Variants in PRDM16 observed in about 807,000 individuals in gnomAD.
PRDM16 encodes the protein PR/SET domain 16, also known as histone-lysine N-methyltransferase PRDM16.
A neutral mutation model predicts 110.6 loss-of-function variants in PRDM16; 23 were observed. The ratio of observed to expected loss-of-function variants is 0.21; its 90% CI spans 0.15 to 0.29. The LOEUF (loss-of-function observed/expected upper bound fraction) is 0.29, where lower values mean the gene tolerates loss of function less well. Among genes scored for constraint, PRDM16 ranks in the 10% least tolerant of loss-of-function variants. The pLI is 1.00. For missense variants in PRDM16, 1,615 were observed against 1,794.3 expected (o/e 0.90, Z 1.81); for synonymous variants, 799 against 781.8 (o/e 1.02, Z -0.37).
chr1:3,312,482 C>T (rs1011511612), intron 3 of PRDM16, among the ~76,000 whole-genome samples: 2 of 152,248 alleles, frequency 1.3e-5, no homozygotes, highest in African/African-American at 4.8e-5. Flanking sequence ...CACCTCACAG[C>T]CGCTCCTCCC....
chr1:3,249,005 C>T (rs1639861696), intron 3 of PRDM16, among the ~76,000 whole-genome samples: 1 of 152,172 alleles, frequency 6.6e-6, no homozygotes, highest in Non-Finnish European at 1.5e-5. Flanking sequence ...CTGGAGGAGG[C>T]CACACACCCT....
chr1:3,096,151 G>T (rs1642393358), intron 1 of PRDM16, among the ~76,000 whole-genome samples: 1 of 152,114 alleles, frequency 6.6e-6, no homozygotes, highest in Non-Finnish European at 1.5e-5. Context: ...CCCCAGGAAG[G>T]CCCCGGTGCT....
At chr1:3,354,844 C>T (rs1453633876) in intron 3 of PRDM16, among the ~76,000 whole-genome samples, 1 of 152,158 alleles carries the variant, frequency 6.6e-6, no homozygotes, top group African/African-American at 2.4e-5. Flanking sequence ...GAGGTCTCCT[C>T]TCTCCCAGAG....
chr1:3,332,411 G>A (rs559755591), intron 3 of PRDM16, among the ~76,000 whole-genome samples: 29 of 152,174 alleles, frequency 1.9e-4, no homozygotes, highest in African/African-American at 7.0e-4. Context: ...GCTCGGGGCT[G>A]GGGGAGGCCG....
chr1:3,271,515 A>G (rs2500308), intron 3 of PRDM16, among the ~76,000 whole-genome samples: 58,244 of 152,150 alleles, frequency 0.38, 16,464 homozygotes, highest in African/African-American at 0.79. Context: ...CCTGCAGCGG[A>G]CGTGGAAATT....
At chr1:3,173,500 C>A (rs1056645143) in intron 1 of PRDM16, among the ~76,000 whole-genome samples, 12 of 152,220 alleles carry the variant, frequency 7.9e-5, no homozygotes, top group Non-Finnish European at 4.4e-5. Flanking sequence ...CAGAGGCCTC[C>A]GTGGCCCTGC....
intron 1 of PRDM16, among the ~76,000 whole-genome samples, chr1:3,176,576 A>T (rs567509896): frequency 6.8e-6 from 1 of 147,890 alleles, no homozygotes; most frequent in African/African-American, 2.5e-5. Flanking sequence ...TCATTTATCC[A>T]TTCTTCCTTC....
chr1:3,146,888 T>G lies in PRDM16; in HGVS notation c.38-39237T>G, dbSNP rs111203492. On this transcript the variant is annotated intron_variant, in intron 1 of 16. Transcript: ENST00000270722. ...GTGTGCACGTGTGTTTGGTGTGGGG[T>G]GTGTGTGCATGTGTGTGCTCAGTGT... Among the ~76,000 whole-genome samples, 202 of 68,468 alleles carry G rather than the reference T, an allele frequency of 3.0e-3. 6 individuals are homozygous for G. Among genetic ancestry groups the G allele is most frequent in the African/African-American group, 0.011 (177 of 15,622 alleles). 44.9% of individuals were successfully genotyped at this position (68,468 alleles called of 152,430 possible).
rs1638870279 is a variant in PRDM16 at position 3,435,074 on chromosome 1, A to G, written c.*1263A>G. The G allele has an allele frequency of 4.4e-6, 1 of 227,320 alleles. No individual in the cohort carries two copies. The highest frequency in any genetic ancestry group is 6.3e-5 in the East Asian group (1 of 15,926). The allele number at this position is 227,320 out of a possible 1,614,324, so 14.1% of individuals were successfully genotyped here. A position where few individuals can be genotyped will look rare whatever the true frequency, so the allele number is the denominator to read the frequency against. On this transcript the variant is annotated 3_prime_UTR_variant, in exon 17 of 17. Coordinates refer to ENST00000270722, the MANE Select transcript of PRDM16 (RefSeq NM_022114.4). ...GGCGTCGGGGGAACCTGCCGCAAGG[A>G]GCAGAGACAGCACAGCCCCCCGGGC...
At chr1:3,139,915 G>A (rs1231770404) in intron 1 of PRDM16, among the ~76,000 whole-genome samples, 1 of 152,208 alleles carries the variant, frequency 6.6e-6, no homozygotes, top group South Asian at 2.1e-4. Flanking sequence ...CTCTGGCTGG[G>A]GGCCATGTGC....
At chr1:3,257,223 T>G (rs142942085) in intron 3 of PRDM16, among the ~76,000 whole-genome samples, 1 of 152,328 alleles carries the variant, frequency 6.6e-6, no homozygotes, top group Non-Finnish European at 1.5e-5. Flanking sequence ...GATCATTCCT[T>G]CATGTGTGTG....
In PRDM16 at chr1:3,387,086, G is replaced by A. The variant is rs111717109; in HGVS notation, c.573+1800G>A. Among the ~76,000 whole-genome samples the A allele has an allele frequency of 9.7e-3, 1,475 of 152,256 alleles. 24 individuals are homozygous for A. Among genetic ancestry groups the A allele is most frequent in the African/African-American group, 0.034 (1,396 of 41,534 alleles). On this transcript the variant is annotated intron_variant, in intron 4 of 16. Transcript: ENST00000270722. ...TCCAAAAGGAATGGACTGCTTTGCA[G>A]CCAACTGTGTTTCCATGGTCAGGAC...
chr1:3,247,962 C>T (rs879609686), intron 3 of PRDM16, among the ~76,000 whole-genome samples: 14 of 152,208 alleles, frequency 9.2e-5, no homozygotes, highest in Non-Finnish European at 2.1e-4. Context: ...GATAATCTAG[C>T]GAGTTGTCCA....
At chr1:3,367,625 G>T (rs1281703943) in intron 3 of PRDM16, among the ~76,000 whole-genome samples, 1 of 152,192 alleles carries the variant, frequency 6.6e-6, no homozygotes, top group African/African-American at 2.4e-5. Flanking sequence ...CGGTCCTGTG[G>T]TTCCCTAGGT....
chr1:3,095,741 G>A (rs1340154005), intron 1 of PRDM16, among the ~76,000 whole-genome samples: 1 of 152,108 alleles, frequency 6.6e-6, no homozygotes, highest in African/African-American at 2.4e-5. Flanking sequence ...GGGGGGCAGG[G>A]GTCAGTGTGG....
chr1:3,330,185 G>A (rs911168525), intron 3 of PRDM16, among the ~76,000 whole-genome samples: 2 of 152,216 alleles, frequency 1.3e-5, no homozygotes, highest in South Asian at 2.1e-4. Context: ...GGCCAGAGCC[G>A]AGCAGCAAAG....
At chr1:3,297,595 T>G (rs1272775744) in intron 3 of PRDM16, among the ~76,000 whole-genome samples, 1 of 151,902 alleles carries the variant, frequency 6.6e-6, no homozygotes, top group Non-Finnish European at 1.5e-5. Flanking sequence ...GATGAGAGGA[T>G]TTTTGAGGAC....
intron 2 of PRDM16, among the ~76,000 whole-genome samples, chr1:3,196,174 G>A (rs932545921): frequency 6.6e-6 from 1 of 152,244 alleles, no homozygotes; most frequent in Admixed American, 6.5e-5. Flanking sequence ...AGGGGCGGCA[G>A]CTGGGCCCAG....
intron 1 of PRDM16, among the ~76,000 whole-genome samples, chr1:3,123,798 A>G (rs533089768): frequency 2.0e-5 from 3 of 152,244 alleles, no homozygotes; most frequent in Non-Finnish European, 2.9e-5. Context: ...GCGAGACATC[A>G]AGTCCGAGCT....
Sources: allele counts gnomAD v4.1 joint callset (sites outside exome capture counted in the v4.1 genomes callset), GRCh38; gene constraint gnomAD v4.1.1; transcripts MANE v1.5; gene names NCBI Gene and HGNC (gene_info 2026-07-23, HGNC 2026-07-21).